Variants in TMC1 observed in about 807,000 individuals in gnomAD.
TMC1 encodes the protein transmembrane channel-like protein 1.
TMC1 carries 84 observed loss-of-function variants against 105.8 expected under a neutral mutation model. The ratio of observed to expected loss-of-function variants is 0.79; its 90% CI spans 0.67 to 0.95. The LOEUF (loss-of-function observed/expected upper bound fraction) is 0.95, where lower values mean the gene tolerates loss of function less well. Among genes scored for constraint, TMC1 ranks in the 40% least tolerant of loss-of-function variants. The probability of loss-of-function intolerance (pLI) is 0.00; values close to 1 mark genes in which losing one functional copy is unlikely to be tolerated. For missense variants in TMC1, 817 were observed against 914.1 expected (o/e 0.89, Z 1.37); for synonymous variants, 315 against 311.5 (o/e 1.01, Z -0.12).
chr9:72,660,905 G>A (rs12336786), intron 5 of TMC1, among the ~76,000 whole-genome samples: 23,987 of 152,034 alleles, frequency 0.16, 2,029 homozygotes, highest in Non-Finnish European at 0.2. Context: ...ATACGAGAAC[G>A]TATGGGAGGC....
At chr9:72,648,152 C>T (rs960411219) in intron 4 of TMC1, among the ~76,000 whole-genome samples, 4 of 152,298 alleles carry the variant, frequency 2.6e-5, no homozygotes, top group Non-Finnish European at 4.4e-5. Context: ...TAAACCCAAA[C>T]GCCAAGTGCA....
At chr9:72,640,961 G>A (rs1825618927) in intron 4 of TMC1, among the ~76,000 whole-genome samples, 1 of 152,112 alleles carries the variant, frequency 6.6e-6, no homozygotes, top group Non-Finnish European at 1.5e-5. Flanking sequence ...GAATGAAAAT[G>A]TAAAGAAATT....
At chr9:72,786,912 G>A (rs1204702690) in intron 13 of TMC1, among the ~76,000 whole-genome samples, 1 of 151,846 alleles carries the variant, frequency 6.6e-6, no homozygotes, top group Non-Finnish European at 1.5e-5. Context: ...CCCTGCCCTT[G>A]GTCAATGACA....
intron 1 of TMC1, among the ~76,000 whole-genome samples, chr9:72,567,760 T>C (rs1034548917): frequency 3.3e-5 from 5 of 152,162 alleles, no homozygotes; most frequent in African/African-American, 1.2e-4. Context: ...CCAAACCATA[T>C]TAAGCACCAT....
intron 1 of TMC1, among the ~76,000 whole-genome samples, chr9:72,530,218 G>A (rs1212441736): frequency 6.6e-6 from 1 of 152,000 alleles, no homozygotes; most frequent in African/African-American, 2.4e-5. Flanking sequence ...TCACTCTGTT[G>A]CCCAGGCTGG....
chr9:72,583,725 A>G (rs1168949039), intron 2 of TMC1, among the ~76,000 whole-genome samples: 1 of 152,204 alleles, frequency 6.6e-6, no homozygotes, highest in Admixed American at 6.5e-5. Flanking sequence ...TTTTATGGCT[A>G]TGTAAGACAT....
chr9:72,723,679 G>T (rs1227961544), intron 8 of TMC1, among the ~76,000 whole-genome samples: 1 of 151,850 alleles, frequency 6.6e-6, no homozygotes, highest in Non-Finnish European at 1.5e-5. Context: ...AAAAATTATT[G>T]TTTTTTTTCC....
chr9:72,663,032 T>C (rs1825990881), intron 5 of TMC1, among the ~76,000 whole-genome samples: 2 of 152,214 alleles, frequency 1.3e-5, no homozygotes, highest in South Asian at 4.1e-4. Flanking sequence ...GTTTAATTCA[T>C]ACAGAGCCAG....
chr9:72,694,978 A>T (rs1010653822), intron 7 of TMC1, among the ~76,000 whole-genome samples: 2 of 152,176 alleles, frequency 1.3e-5, no homozygotes, highest in African/African-American at 2.4e-5. Flanking sequence ...ATTACAGTTA[A>T]TTTAAAGATT....
intron 1 of TMC1, among the ~76,000 whole-genome samples, chr9:72,540,321 T>C (rs1823654476): frequency 6.6e-6 from 1 of 152,222 alleles, no homozygotes; most frequent in Non-Finnish European, 1.5e-5. Flanking sequence ...TAAGCAGTCA[T>C]GCTCAGCCTG....
intron 19 of TMC1, 67 bp downstream of exon 19, chr9:72,816,277 T>G: frequency 6.9e-7 from 1 of 1,457,232 alleles, no homozygotes; most frequent in South Asian, 1.1e-5. Context: ...GCATACAGCA[T>G]TGAATCCTGG....
At chr9:72,803,607 C>T (rs1045400122) in intron 17 of TMC1, among the ~76,000 whole-genome samples, 3 of 152,066 alleles carry the variant, frequency 2.0e-5, no homozygotes, top group Admixed American at 6.5e-5. Flanking sequence ...AAGAGATTCA[C>T]GTGGCCAACA....
chr9:72,788,686 ACTTCT>A (rs963416016), intron 14 of TMC1, among the ~76,000 whole-genome samples: 7 of 152,158 alleles, frequency 4.6e-5, no homozygotes, highest in Non-Finnish European at 1.0e-4. Context: ...TTCCTTAAAC[ACTTCT>A]CTTCTCTAAA....
intron 18 of TMC1, among the ~76,000 whole-genome samples, chr9:72,814,386 A>G (rs1011426154): frequency 2.0e-5 from 3 of 152,210 alleles, no homozygotes; most frequent in Non-Finnish European, 4.4e-5. Context: ...ATTTTTCTCC[A>G]TGAAGGACAC....
In TMC1 at chr9:72,700,574, A is replaced by G. The variant is rs767739170; in HGVS notation, c.293A>G (p.Glu98Gly). ...GAAAGATTGAAGGCAGAGTTAGATG[A>G]GAAAAGACAAATAATTGCTACTGTC... is the stretch of plus-strand genomic sequence containing the variant. ...ELERLKAELD[E>G]KRQIIATVKC... is the part of the protein sequence containing the mutation. The change falls in exon 8 of 24, where the codon GAG becomes GGG. Residue 98 changes from glutamate to glycine, a missense_variant. Glu to Gly is a moderately conservative substitution (Grantham distance 98). Coordinates refer to ENST00000297784, the MANE Select transcript of TMC1 (RefSeq NM_138691.3). 6.2e-7 allele frequency: 1 copy of G among 1,608,888 alleles called. No individual in the cohort carries two copies. Among genetic ancestry groups the G allele is most frequent in the Non-Finnish European group, 8.5e-7 (1 of 1,176,564 alleles).
intron 3 of TMC1, among the ~76,000 whole-genome samples, chr9:72,625,236 C>G (rs1825325052): frequency 6.6e-6 from 1 of 152,166 alleles, no homozygotes; most frequent in Non-Finnish European, 1.5e-5. Context: ...CAAAGCCCCC[C>G]AGGAACACCC....
chr9:72,667,858 A>C (rs1301778543), intron 5 of TMC1, among the ~76,000 whole-genome samples: 1 of 152,174 alleles, frequency 6.6e-6, no homozygotes, highest in African/African-American at 2.4e-5. Context: ...GATGGGAGTG[A>C]TGACTTCTAA....
intron 4 of TMC1, among the ~76,000 whole-genome samples, chr9:72,637,075 A>G (rs892574483): frequency 6.6e-6 from 1 of 151,848 alleles, no homozygotes; most frequent in African/African-American, 2.4e-5. Flanking sequence ...TCAACTAATG[A>G]GAATAAATGT....
chr9:72,601,908 T>G (rs568164645), intron 2 of TMC1, among the ~76,000 whole-genome samples: 1 of 152,316 alleles, frequency 6.6e-6, no homozygotes. Flanking sequence ...TTTTGGATTT[T>G]GAAATATTGG....
Sources: gnomAD v4.1 joint callset for allele counts (sites outside exome capture counted in the v4.1 genomes callset) on GRCh38, gnomAD v4.1.1 for gene constraint, MANE v1.5 for transcripts, NCBI Gene and HGNC (gene_info 2026-07-23, HGNC 2026-07-21) for gene names.